DMGDH: variants seen among roughly 807,000 people sequenced by gnomAD.
DMGDH encodes dimethylglycine dehydrogenase.
DMGDH carries 76 observed loss-of-function variants against 95.2 expected under a neutral mutation model. The ratio of observed to expected loss-of-function variants is 0.80; its 90% confidence interval spans 0.66 to 0.97. The LOEUF is 0.97. Among genes scored for constraint, DMGDH ranks in the 50% least tolerant of loss-of-function variants. DMGDH has a pLI of 0.00. For synonymous variants in DMGDH, 345 were observed against 377.6 expected, an observed-to-expected ratio of 0.91 and a Z score of 1.00; for missense variants, 987 against 1,055.0, an observed-to-expected ratio of 0.94 and a Z score of 0.89.
chr5:79,027,860 A>C lies in DMGDH; in HGVS notation c.2032+573T>G, dbSNP rs556943634. 6.9e-3 allele frequency among the ~76,000 whole-genome samples: 590 copies of C among 85,998 alleles called. 5 individuals are homozygous for C. Among genetic ancestry groups the C allele is most frequent in the African/African-American group, 0.028 (557 of 20,250 alleles). 56.4% of individuals were successfully genotyped at this position (85,998 alleles called of 152,430 possible). A position where few individuals can be genotyped will look rare whatever the true frequency, so the allele number is the denominator to read the frequency against. ...CTTTTCTTTTTTTTTTTTTTTTTTG[A>C]GATGCAGTTTCACTCTTGTTGCCCA... On this transcript the variant is annotated intron_variant, in intron 12 of 15. Transcript: ENST00000255189.
chr5:79,061,236 C>T (rs749026808), intron 2 of DMGDH, among the ~76,000 whole-genome samples: 3,648 of 136,720 alleles, frequency 0.027, 84 homozygotes, highest in African/African-American at 0.079. Flanking sequence ...CACACACACA[C>T]ACACACACAC....
intron 1 of DMGDH, among the ~76,000 whole-genome samples, chr5:79,068,866 G>C (rs914059452): frequency 3.3e-5 from 5 of 152,182 alleles, no homozygotes; most frequent in African/African-American, 1.2e-4. Flanking sequence ...GTGGGAAACA[G>C]ACACACACTG....
intron 15 of DMGDH, among the ~76,000 whole-genome samples, chr5:79,003,947 A>AAAATAAATAAGTAAAT (rs1753500280): frequency 1.3e-5 from 2 of 150,904 alleles, no homozygotes; most frequent in Admixed American, 1.3e-4. Context: ...GCTCTGTCTC[A>AAAATAAATAAGTAAAT]AAATAAATAA....
chr5:79,042,472 T>C lies in DMGDH; in HGVS notation c.1004A>G (p.Lys335Arg), dbSNP rs1754538901. 6.2e-7 allele frequency: 1 copy of C among 1,614,188 alleles called. No homozygotes were observed. The highest frequency in any genetic ancestry group is 8.5e-7 in the Non-Finnish European group (1 of 1,180,022). ...ATCTAGATCAGACTCAAAGAGTTCC[T>C]TTCCAAAACCTAAAAAGATTTGCCC... ...VTNGVPPGFGKELFESDLDRI... is the reference protein window; with the variant it reads ...VTNGVPPGFGRELFESDLDRI... Residue 335 changes from lysine (K) to arginine (R), a missense_variant, in exon 7 of 16, where the codon AAG (lysine) becomes AGG (arginine). Lys to Arg is a conservative substitution (Grantham distance 26). Transcript: ENST00000255189.
intron 2 of DMGDH, among the ~76,000 whole-genome samples, chr5:79,057,619 TA>T (rs1392160053): frequency 6.6e-6 from 1 of 152,152 alleles, no homozygotes; most frequent in Non-Finnish European, 1.5e-5. Context: ...AATGCACCTG[TA>T]AGCCAAACTC....
Position 79,044,326 on chromosome 5 carries a change from C to A in DMGDH, c.972G>T (p.Trp324Cys). ...SQEKMKVQDS[W>C]VTNGVPPGFG... ...CACCTGGAGGAACTCCATTGGTGAC[C>A]CAGGAGTCCTGAACTTTCATTTTCT... The change falls in exon 6 of 16, where the codon TGG (tryptophan) becomes TGT (cysteine). Residue 324 changes from tryptophan to cysteine, a missense_variant. Trp to Cys is a radical substitution (Grantham distance 215). Transcript: ENST00000255189. 3 of 1,614,148 alleles carry A rather than the reference C, an allele frequency of 1.9e-6. No individual in the cohort carries two copies. The highest frequency in any genetic ancestry group is 2.2e-5 in the South Asian group (2 of 91,078).
At chr5:79,020,714 G>A in intron 14 of DMGDH, 8 of 983,200 alleles carry the variant, frequency 8.1e-6, no homozygotes, top group Non-Finnish European at 9.7e-6. Context: ...CTAGTTAGAA[G>A]CTCTACACGG....
intron 4 of DMGDH, among the ~76,000 whole-genome samples, chr5:79,053,553 A>C (rs148856780): frequency 1.1e-3 from 166 of 149,978 alleles, no homozygotes; most frequent in African/African-American, 4.0e-3. Context: ...GTGCCATGAA[A>C]TTATGCATGT....
At chr5:79,019,481 G>T (rs1432806475) in intron 14 of DMGDH, among the ~76,000 whole-genome samples, 1 of 151,944 alleles carries the variant, frequency 6.6e-6, no homozygotes, top group African/African-American at 2.4e-5. Context: ...ATCACCTGTG[G>T]AGCTTTAAAA....
In DMGDH at chr5:79,028,547, C is replaced by A. The variant is rs751531616; in HGVS notation, c.1918G>T (p.Val640Phe). 1 of 1,614,082 alleles carries A rather than the reference C, an allele frequency of 6.2e-7. No homozygotes were observed. Among genetic ancestry groups the A allele is most frequent in the Non-Finnish European group, 8.5e-7 (1 of 1,180,006 alleles). The change falls in exon 12 of 16, where the codon GTC (valine) becomes TTC (phenylalanine). Residue 640 changes from valine to phenylalanine, a missense_variant. By Grantham distance (50) the Val-to-Phe change is conservative. Coordinates refer to ENST00000255189, the MANE Select transcript of DMGDH (RefSeq NM_013391.3). ...TCTTCAGAGGTCAGTTTCTGAAGGA[C>A]CTTTCTTGCCTGTGGCCCAGCAACT... ...LGVAGPQARKVLQKLTSEDLS... is the reference protein window; with the variant it reads ...LGVAGPQARKFLQKLTSEDLS...
chr5:79,044,191 G>T, intron 6 of DMGDH, 113 bp downstream of exon 6: 1 of 1,470,090 alleles, frequency 6.8e-7, no homozygotes, highest in Non-Finnish European at 9.5e-7. Context: ...AATGTCCCAG[G>T]TATCTGAAAG....
At chr5:79,038,708 C>A (rs1754417881) in intron 7 of DMGDH, among the ~76,000 whole-genome samples, 1 of 152,134 alleles carries the variant, frequency 6.6e-6, no homozygotes, top group Non-Finnish European at 1.5e-5. Context: ...TGAGATGACT[C>A]TTGTGGAGAG....
chr5:79,037,970 C>T (rs552160874), intron 7 of DMGDH, among the ~76,000 whole-genome samples: 211 of 152,268 alleles, frequency 1.4e-3, no homozygotes, highest in Middle Eastern at 0.01. Context: ...GATCAGAATA[C>T]TTAATATTGT....
At chr5:79,016,590 T>G (rs1349530449) in intron 14 of DMGDH, among the ~76,000 whole-genome samples, 4 of 152,204 alleles carry the variant, frequency 2.6e-5, no homozygotes, top group African/African-American at 9.6e-5. Context: ...AAAGATGACC[T>G]GAATAAATGG....
At chr5:79,001,637 C>A (rs2112597078) in intron 15 of DMGDH, among the ~76,000 whole-genome samples, 1 of 152,288 alleles carries the variant, frequency 6.6e-6, no homozygotes, top group South Asian at 2.1e-4. Flanking sequence ...CTCACTGGGT[C>A]AAAAGCACAC....
chr5:79,017,875 T>C (rs1753768891), intron 14 of DMGDH, among the ~76,000 whole-genome samples: 1 of 152,154 alleles, frequency 6.6e-6, no homozygotes, highest in South Asian at 2.1e-4. Flanking sequence ...TTCAAGCAAA[T>C]TTTGGTACCC....
Position 78,998,218 on chromosome 5 carries a change from A to C in DMGDH, c.2465T>G (p.Leu822Arg). ...TTCCACTTGCTGTCCCACTTCACTT[A>C]GTTGTACAGGGACATATGCGAAAGC... ...SLAFAYVPVQ[L>R]SEVGQQVEVE... Residue 822 changes from leucine to arginine, a missense_variant, in exon 16 of 16, where the codon CTA becomes CGA. By Grantham distance (102) the Leu-to-Arg change is moderately radical. Coordinates refer to ENST00000255189, the MANE Select transcript of DMGDH (RefSeq NM_013391.3). The C allele has an allele frequency of 6.2e-7, 1 of 1,614,214 alleles. No homozygotes were observed. The highest frequency in any genetic ancestry group is 8.5e-7 in the Non-Finnish European group (1 of 1,180,028).
At chr5:78,999,338 T>C (rs963422256) in intron 15 of DMGDH, among the ~76,000 whole-genome samples, 1 of 152,160 alleles carries the variant, frequency 6.6e-6, no homozygotes, top group Non-Finnish European at 1.5e-5. Flanking sequence ...TCTCTTTTTT[T>C]TCTTTTGTTT....
chr5:79,061,075 T>C (rs116664226), intron 2 of DMGDH, among the ~76,000 whole-genome samples: 3,570 of 151,838 alleles, frequency 0.024, 127 homozygotes, highest in African/African-American at 0.08. Context: ...CTTTAAAAAT[T>C]AGCAAGGCGT....
Sources: allele counts gnomAD v4.1 joint callset (sites outside exome capture counted in the v4.1 genomes callset), GRCh38; gene constraint gnomAD v4.1.1; transcripts MANE v1.5; gene names NCBI Gene and HGNC (gene_info 2026-07-23, HGNC 2026-07-21).